The following ARHGEF3 variants were observed in gnomAD, a reference collection of about 807,000 sequenced individuals.
ARHGEF3 encodes the protein 59.8 kDA protein.
A neutral mutation model predicts 63.2 loss-of-function variants in ARHGEF3; 28 were observed. That is an observed-to-expected ratio of 0.44 (90% CI 0.33 to 0.61). The LOEUF (loss-of-function observed/expected upper bound fraction) is 0.61. ARHGEF3 is among the 20% of genes least tolerant of loss of function. The probability of loss-of-function intolerance (pLI) is 0.03; values close to 1 mark genes in which losing one functional copy is unlikely to be tolerated. For missense variants in ARHGEF3, 533 were observed against 659.3 expected (o/e 0.81, Z 2.10); for synonymous variants, 266 against 254.2 (o/e 1.05, Z -0.44).
At chr3:56,937,664 T>A (rs1420930392) in intron 3 of ARHGEF3, among the ~76,000 whole-genome samples, 1 of 152,232 alleles carries the variant, frequency 6.6e-6, no homozygotes, top group Non-Finnish European at 1.5e-5. Context: ...AAGTATTGTA[T>A]ATACATCTTC....
intron 2 of ARHGEF3, among the ~76,000 whole-genome samples, chr3:56,763,899 C>T (rs1008229829): frequency 7.9e-5 from 12 of 151,960 alleles, no homozygotes; most frequent in African/African-American, 2.9e-4. Flanking sequence ...TCTTTTAATT[C>T]TCTACATTTA....
intron 2 of ARHGEF3, among the ~76,000 whole-genome samples, chr3:56,984,672 T>C (rs1352602659): frequency 6.6e-6 from 1 of 152,226 alleles, no homozygotes; most frequent in Non-Finnish European, 1.5e-5. Flanking sequence ...GTCTGTTTTA[T>C]AAAGTTCATT....
intron 2 of ARHGEF3, among the ~76,000 whole-genome samples, chr3:57,024,578 C>T (rs1579113487): frequency 6.6e-6 from 1 of 152,144 alleles, no homozygotes; most frequent in African/African-American, 2.4e-5. Flanking sequence ...AGCGCTGCCT[C>T]CCGGGTTCAC....
chr3:57,017,287 A>T (rs752823898), intron 2 of ARHGEF3, among the ~76,000 whole-genome samples: 1 of 152,074 alleles, frequency 6.6e-6, no homozygotes, highest in Non-Finnish European at 1.5e-5. Flanking sequence ...ATATTCACCC[A>T]AGGCTGATTC....
At chr3:56,907,974 G>T (rs13065124) in intron 3 of ARHGEF3, among the ~76,000 whole-genome samples, 129,548 of 152,088 alleles carry the variant, frequency 0.85, 55,397 homozygotes, top group Middle Eastern at 0.9. Context: ...ATGACAGAAG[G>T]TTACCTATAA....
intron 3 of ARHGEF3, among the ~76,000 whole-genome samples, chr3:56,897,393 C>T (rs2041337317): frequency 6.6e-6 from 1 of 152,124 alleles, no homozygotes; most frequent in African/African-American, 2.4e-5. Flanking sequence ...CTCTGGTTCC[C>T]TTTAGTGGAG....
intron 2 of ARHGEF3, among the ~76,000 whole-genome samples, chr3:57,010,176 C>T (rs887241408): frequency 9.2e-5 from 14 of 152,154 alleles, no homozygotes; most frequent in Non-Finnish European, 1.9e-4. Flanking sequence ...CACAGTGGGC[C>T]GGGCGTGGTG....
intron 2 of ARHGEF3, among the ~76,000 whole-genome samples, chr3:57,005,326 A>G (rs1360001184): frequency 6.6e-6 from 1 of 152,216 alleles, no homozygotes. Context: ...TGAGGCACAG[A>G]GCATAAAGTA....
At chr3:56,781,052 T>C (rs183200995) in intron 1 of ARHGEF3, among the ~76,000 whole-genome samples, 2 of 152,212 alleles carry the variant, frequency 1.3e-5, no homozygotes, top group African/African-American at 4.8e-5. Flanking sequence ...GGTGTCCTTA[T>C]AAGAAGAGGG....
chr3:56,824,106 G>T lies in ARHGEF3; in HGVS notation c.193-50290C>A, dbSNP rs556824046. ...ATTATGGAAAAGCTACTGTTTCAAA[G>T]CCTGTGGACATCAGAGGAAAAAACA... On this transcript the variant is annotated intron_variant, in intron 4 of 12. Transcript: ENST00000338458. 6.6e-5 allele frequency among the ~76,000 whole-genome samples: 10 copies of T among 152,042 alleles called. No individual in the cohort carries two copies. In the South Asian group the frequency reaches 2.1e-3, roughly 32 times the overall value.
At chr3:56,962,374 T>C (rs1277721170) in intron 2 of ARHGEF3, among the ~76,000 whole-genome samples, 3 of 152,196 alleles carry the variant, frequency 2.0e-5, no homozygotes, top group African/African-American at 7.2e-5. Context: ...GCTGCAGGTT[T>C]CCCAGACACA....
chr3:56,893,169 G>A lies in ARHGEF3; in HGVS notation c.130-10815C>T, dbSNP rs112225253. Among the ~76,000 whole-genome samples, 309 of 152,132 alleles carry A rather than the reference G, an allele frequency of 2.0e-3. 2 individuals carry two copies. The highest frequency in any genetic ancestry group is 6.9e-3 in the African/African-American group (286 of 41,498). On this transcript the variant is annotated intron_variant, in intron 3 of 12. Coordinates refer to the ARHGEF3 transcript ENST00000338458. Reference sequence around the variant, plus strand: ...TAAGGTAGTCCCTTCCCTTTGCTGGGATTTTTTATTTTATTTTATTTTTTT... The same window carrying A: ...TAAGGTAGTCCCTTCCCTTTGCTGGAATTTTTTATTTTATTTTATTTTTTT...
At chr3:56,743,958 G>A (rs1161875529) in intron 7 of ARHGEF3, among the ~76,000 whole-genome samples, 5 of 151,782 alleles carry the variant, frequency 3.3e-5, no homozygotes, top group African/African-American at 9.7e-5. Flanking sequence ...ATGGAGCTGG[G>A]ATTTGAATCC....
chr3:57,035,647 C>G (rs1471634830), intron 1 of ARHGEF3, among the ~76,000 whole-genome samples: 1 of 152,262 alleles, frequency 6.6e-6, no homozygotes, highest in Admixed American at 6.5e-5. Flanking sequence ...CTGCGCTCCG[C>G]CAGGTACCAC....
chr3:56,920,405 C>G (rs1157239392), intron 3 of ARHGEF3, among the ~76,000 whole-genome samples: 3 of 152,134 alleles, frequency 2.0e-5, no homozygotes, highest in African/African-American at 7.2e-5. Flanking sequence ...TTCCTGTGTT[C>G]TTGTTCGATA....
chr3:56,812,215 AAAAAATAATAT>A (rs2038092201), intron 4 of ARHGEF3, among the ~76,000 whole-genome samples: 1 of 152,240 alleles, frequency 6.6e-6, no homozygotes, highest in Non-Finnish European at 1.5e-5. Context: ...AGATGGGACC[AAAAAATAATAT>A]GCAGAATACT....
chr3:56,938,077 G>C (rs1403163422), intron 3 of ARHGEF3, among the ~76,000 whole-genome samples: 2 of 152,336 alleles, frequency 1.3e-5, no homozygotes, highest in East Asian at 3.9e-4. Context: ...CAAGGGGTCA[G>C]GTGCTGGTGG....
intron 2 of ARHGEF3, among the ~76,000 whole-genome samples, chr3:56,772,333 G>A (rs1197066025): frequency 6.6e-6 from 1 of 152,198 alleles, no homozygotes; most frequent in African/African-American, 2.4e-5. Context: ...TGGCTGTATG[G>A]TAGGCAGGCA....
chr3:57,034,299 TAA>T (rs34080875), intron 2 of ARHGEF3, among the ~76,000 whole-genome samples: 5 of 139,200 alleles, frequency 3.6e-5, no homozygotes, highest in Admixed American at 7.2e-5. Flanking sequence ...ACAAATGGCT[TAA>T]AAAAAAAAAA....
Sources: allele counts gnomAD v4.1 joint callset (sites outside exome capture counted in the v4.1 genomes callset), GRCh38; gene constraint gnomAD v4.1.1; transcripts MANE v1.5; gene names NCBI Gene and HGNC (gene_info 2026-07-23, HGNC 2026-07-21).